The following CDKAL1 variants were observed in gnomAD, a reference collection of about 807,000 sequenced individuals.
The protein encoded by CDKAL1 is CDKAL1 threonylcarbamoyladenosine tRNA methylthiotransferase.
CDKAL1 carries 32 observed loss-of-function variants against 68.2 expected under a neutral mutation model. The observed-to-expected ratio is 0.47, with a 90% CI of 0.35 to 0.63. CDKAL1 has a LOEUF of 0.63. Ranked by LOEUF, CDKAL1 falls within the 30% of genes least tolerant of loss-of-function variation. The probability of loss-of-function intolerance (pLI) is 0.00; values close to 1 mark genes in which losing one functional copy is unlikely to be tolerated. For missense variants in CDKAL1, 606 were observed against 696.7 expected (o/e 0.87, Z 1.47); for synonymous variants, 234 against 244.3 (o/e 0.96, Z 0.39).
intron 4 of CDKAL1, among the ~76,000 whole-genome samples, chr6:20,619,963 CTCT>C (rs1767102632): frequency 6.6e-6 from 1 of 152,218 alleles, no homozygotes; most frequent in Admixed American, 6.5e-5. Context: ...ACTCACACCT[CTCT>C]TCTTTGACTT....
At chr6:20,693,758 A>C (rs1376760920) in intron 5 of CDKAL1, among the ~76,000 whole-genome samples, 1 of 152,196 alleles carries the variant, frequency 6.6e-6, no homozygotes, top group Non-Finnish European at 1.5e-5. Flanking sequence ...AAGCTTTCAT[A>C]AGACCTGGTT....
intron 13 of CDKAL1, among the ~76,000 whole-genome samples, chr6:21,124,919 C>T (rs752199598): frequency 3.3e-5 from 5 of 151,984 alleles, no homozygotes; most frequent in African/African-American, 4.8e-5. Context: ...CCATAAGGCC[C>T]TTCCTGGCTA....
At chr6:20,779,070 A>G (rs910200115) in intron 7 of CDKAL1, among the ~76,000 whole-genome samples, 4 of 152,222 alleles carry the variant, frequency 2.6e-5, no homozygotes, top group Non-Finnish European at 4.4e-5. Context: ...TATGGAAATG[A>G]GTATTCAAAC....
At chr6:21,063,025 C>T (rs1228166202) in intron 11 of CDKAL1, among the ~76,000 whole-genome samples, 1 of 152,186 alleles carries the variant, frequency 6.6e-6, no homozygotes, top group Admixed American at 6.5e-5. Context: ...AGCAATTCTC[C>T]TGCCTCAGCC....
intron 9 of CDKAL1, among the ~76,000 whole-genome samples, chr6:20,886,045 A>G (rs186379087): frequency 1.4e-4 from 22 of 152,304 alleles, no homozygotes; most frequent in African/African-American, 3.4e-4. Context: ...CCCGTCCCCC[A>G]CAAAAAAGAA....
rs576938926 is a variant in CDKAL1, at chr6:20,579,211, T to C, written c.286+30506T>C. On this transcript the variant is annotated intron_variant, in intron 4 of 15. Coordinates refer to ENST00000274695, the MANE Select transcript of CDKAL1 (RefSeq NM_017774.3). Reference sequence around the variant, plus strand: ...CCTGGCTGGTCTCGAACTCCTGACCTGAAGTGATCCACCTGCTTCAGCCTC... The same window carrying C: ...CCTGGCTGGTCTCGAACTCCTGACCCGAAGTGATCCACCTGCTTCAGCCTC... Among the ~76,000 whole-genome samples, 15 of 152,216 alleles carry C rather than the reference T, an allele frequency of 9.9e-5. No individual in the cohort carries two copies. The East Asian group carries it at 2.7e-3, about 28-fold the overall frequency.
intron 12 of CDKAL1, among the ~76,000 whole-genome samples, chr6:21,078,479 C>T (rs1466524657): frequency 1.3e-5 from 2 of 152,186 alleles, no homozygotes; most frequent in African/African-American, 4.8e-5. Flanking sequence ...TCTCACAGCT[C>T]TCTGCCGTTA....
chr6:21,095,109 G>A (rs1773251950), intron 12 of CDKAL1, among the ~76,000 whole-genome samples: 1 of 152,224 alleles, frequency 6.6e-6, no homozygotes, highest in Non-Finnish European at 1.5e-5. Context: ...TCTCTGAAGA[G>A]TTAAGGAAAG....
chr6:20,884,177 A>G (rs1760957096), intron 9 of CDKAL1, among the ~76,000 whole-genome samples: 1 of 152,216 alleles, frequency 6.6e-6, no homozygotes, highest in African/African-American at 2.4e-5. Context: ...AAATCAATCA[A>G]TATAATATAG....
At chr6:21,009,725 A>T (rs1159679337) in intron 11 of CDKAL1, among the ~76,000 whole-genome samples, 1 of 152,228 alleles carries the variant, frequency 6.6e-6, no homozygotes, top group Non-Finnish European at 1.5e-5. Flanking sequence ...TCATTATGTT[A>T]ACTGAAATAA....
At chr6:20,780,236 A>T (rs1775360982) in intron 7 of CDKAL1, among the ~76,000 whole-genome samples, 1 of 152,094 alleles carries the variant, frequency 6.6e-6, no homozygotes, top group Non-Finnish European at 1.5e-5. Flanking sequence ...CACTTTTTCT[A>T]CAAGTGTGAA....
chr6:20,908,791 A>G (rs555252779), intron 9 of CDKAL1, among the ~76,000 whole-genome samples: 4 of 152,338 alleles, frequency 2.6e-5, no homozygotes, highest in East Asian at 1.9e-4. Flanking sequence ...AGTGATTGCA[A>G]TGTGACAGTT....
chr6:21,134,924 T>C lies in CDKAL1; in HGVS notation c.1299+26461T>C, dbSNP rs377545677. Among the ~76,000 whole-genome samples, 96 of 151,948 alleles carry C rather than the reference T, an allele frequency of 6.3e-4. 1 individual carries two copies. The highest frequency in any genetic ancestry group is 2.2e-3 in the African/African-American group (93 of 41,446). On this transcript the variant is annotated intron_variant, in intron 13 of 15. Coordinates refer to ENST00000274695, the MANE Select transcript of CDKAL1 (RefSeq NM_017774.3). ...CTTTTAACTGTTTCTTCCAATAGTT[T>C]AGATCCCATTATTGTTTAATTTCTT...
chr6:20,945,885 A>G (rs980696759), intron 9 of CDKAL1, among the ~76,000 whole-genome samples: 15 of 152,326 alleles, frequency 9.8e-5, no homozygotes, highest in Non-Finnish European at 2.1e-4. Context: ...CCCTCCAAAT[A>G]AAGAATGAAT....
chr6:21,223,605 G>A (rs925926016), intron 15 of CDKAL1, among the ~76,000 whole-genome samples: 2 of 151,180 alleles, frequency 1.3e-5, no homozygotes, highest in African/African-American at 4.9e-5. Context: ...CCTTCCATTG[G>A]AAGCCCAAGC....
intron 10 of CDKAL1, among the ~76,000 whole-genome samples, chr6:20,963,506 T>G (rs1765157365): frequency 6.6e-6 from 1 of 152,186 alleles, no homozygotes; most frequent in South Asian, 2.1e-4. Flanking sequence ...GAGCCTTTGT[T>G]TGTAATGTTA....
chr6:20,564,927 G>A (rs1319560847), intron 4 of CDKAL1, among the ~76,000 whole-genome samples: 1 of 152,160 alleles, frequency 6.6e-6, no homozygotes, highest in Admixed American at 6.5e-5. Context: ...GTCCTGCGAA[G>A]AGCTTCTCTG....
At chr6:21,145,653 C>T (rs1776129141) in intron 13 of CDKAL1, among the ~76,000 whole-genome samples, 2 of 152,220 alleles carry the variant, frequency 1.3e-5, no homozygotes, top group African/African-American at 4.8e-5. Flanking sequence ...ATCACTTTAA[C>T]CACTTCACAG....
At chr6:21,168,704 G>T (rs1044556650) in intron 13 of CDKAL1, among the ~76,000 whole-genome samples, 1 of 152,184 alleles carries the variant, frequency 6.6e-6, no homozygotes, top group Non-Finnish European at 1.5e-5. Flanking sequence ...GTAATGTACT[G>T]TCATACCCAT....
Sources: allele counts gnomAD v4.1 joint callset (sites outside exome capture counted in the v4.1 genomes callset), GRCh38; gene constraint gnomAD v4.1.1; transcripts MANE v1.5; gene names NCBI Gene and HGNC (gene_info 2026-07-23, HGNC 2026-07-21).